The following SSBP3 variants were observed in gnomAD, a reference collection of about 807,000 sequenced individuals.
The protein encoded by SSBP3 is single-stranded DNA-binding protein 3.
In SSBP3, 5 loss-of-function variants were observed where a neutral mutation model predicts 69.6. The ratio of observed to expected loss-of-function variants is 0.07; its 90% CI spans 0.04 to 0.15. The LOEUF (loss-of-function observed/expected upper bound fraction) is 0.15, where lower values mean the gene tolerates loss of function less well. Among genes scored for constraint, SSBP3 ranks in the 10% least tolerant of loss-of-function variants. The pLI is 1.00. For missense variants in SSBP3, 312 were observed against 534.0 expected (o/e 0.58, Z 4.10); for synonymous variants, 196 against 193.4 (o/e 1.01, Z -0.11).
At chr1:54,245,116 C>G (rs1270756218) in intron 9 of SSBP3, among the ~76,000 whole-genome samples, 2 of 152,250 alleles carry the variant, frequency 1.3e-5, no homozygotes, top group African/African-American at 4.8e-5. Flanking sequence ...GCAGCTTAAG[C>G]TCTGCCCTTG....
At chr1:54,406,550 C>T (rs965039323), upstream of SSBP3, 1 of 151,914 alleles carries the variant, frequency 6.6e-6, no homozygotes, top group African/African-American at 2.4e-5. Flanking sequence ...CGGCAGTCCC[C>T]GCTGCGGCCG....
chr1:54,366,365 A>C (rs1421344993), intron 4 of SSBP3, among the ~76,000 whole-genome samples: 3 of 152,206 alleles, frequency 2.0e-5, no homozygotes, highest in Non-Finnish European at 4.4e-5. Flanking sequence ...GTTACCTCTC[A>C]ACAGTCCTAA....
At chr1:54,341,552 G>A (rs1646606477) in intron 4 of SSBP3, among the ~76,000 whole-genome samples, 1 of 152,106 alleles carries the variant, frequency 6.6e-6, no homozygotes, top group African/African-American at 2.4e-5. Context: ...GTGCTGTGCT[G>A]GGCAAGGATG....
At chr1:54,397,477 C>CCCT (rs1648977753) in intron 4 of SSBP3, among the ~76,000 whole-genome samples, 1 of 152,186 alleles carries the variant, frequency 6.6e-6, no homozygotes, top group African/African-American at 2.4e-5. Context: ...CTTTAACCAA[C>CCCT]CCTCCTCAAG....
At chr1:54,408,174 C>G (rs1013673111), upstream of SSBP3, among the ~76,000 whole-genome samples, 6 of 152,130 alleles carry the variant, frequency 3.9e-5, no homozygotes, top group Non-Finnish European at 7.3e-5. Context: ...AAAAAAGGAA[C>G]GCTGAGACCT....
chr1:54,240,079 T>TGTGC (rs1553123203), intron 13 of SSBP3, among the ~76,000 whole-genome samples: 1 of 32,734 alleles, frequency 3.1e-5, no homozygotes, highest in Non-Finnish European at 6.0e-5. Context: ...TGTGTGTGTG[T>TGTGC]GTGTGTGTGC....
intron 5 of SSBP3, among the ~76,000 whole-genome samples, chr1:54,273,800 G>A (rs1645237566): frequency 6.6e-6 from 1 of 152,214 alleles, no homozygotes; most frequent in African/African-American, 2.4e-5. Flanking sequence ...CCCAGGATAG[G>A]GGGCTTCATC....
intron 4 of SSBP3, among the ~76,000 whole-genome samples, chr1:54,384,822 T>TC (rs1207898996): frequency 1.3e-5 from 2 of 152,212 alleles, no homozygotes; most frequent in South Asian, 2.1e-4. Context: ...ATTTTTTTTT[T>TC]CCAACATACA....
At position 54,396,215 on chromosome 1, in the gene SSBP3, A is replaced by C. The variant is rs1433543636; in HGVS notation, c.276+5646T>G. On this transcript the variant is annotated intron_variant, in intron 4 of 17. Transcript: ENST00000610401. ...TCAGAAAAAAAAAAAAAAAAAAAAAAAAAACAACCCCATTACCCCAGCGAA... is the reference window on the plus strand; with the variant it reads ...TCAGAAAAAAAAAAAAAAAAAAAAACAAAACAACCCCATTACCCCAGCGAA... Among the ~76,000 whole-genome samples the C allele has an allele frequency of 4.8e-5, 7 of 146,118 alleles. 1 individual carries two copies. The East Asian group carries it at 7.9e-4, about 17-fold the overall frequency.
intron 5 of SSBP3, among the ~76,000 whole-genome samples, chr1:54,269,522 G>T (rs966069174): frequency 6.6e-6 from 1 of 152,360 alleles, no homozygotes; most frequent in Middle Eastern, 3.4e-3. Flanking sequence ...AGTTCCTTGG[G>T]ATTGGCTATT....
intron 4 of SSBP3, among the ~76,000 whole-genome samples, chr1:54,281,933 C>CA (rs1645401110): frequency 1.3e-5 from 2 of 151,798 alleles, no homozygotes; most frequent in East Asian, 3.9e-4. Context: ...CCCGTCCCTA[C>CA]AAAAAATAAA....
intron 4 of SSBP3, among the ~76,000 whole-genome samples, chr1:54,289,151 T>C (rs1645559283): frequency 6.6e-6 from 1 of 151,670 alleles, no homozygotes; most frequent in African/African-American, 2.4e-5. Context: ...ATTAAACACA[T>C]GAGAGAAGCA....
chr1:54,265,421 C>CCCA (rs1181754269), intron 5 of SSBP3, among the ~76,000 whole-genome samples: 10 of 152,268 alleles, frequency 6.6e-5, no homozygotes, highest in African/African-American at 2.4e-4. Flanking sequence ...CGCCTGCACA[C>CCCA]CCAGCATGGG....
intron 1 of SSBP3, chr1:54,413,339 A>G (rs1412425818): frequency 6.6e-6 from 1 of 152,228 alleles, no homozygotes; most frequent in Non-Finnish European, 1.5e-5. Flanking sequence ...AATAAAAGCC[A>G]TTTATTTCTC....
intron 1 of SSBP3, among the ~76,000 whole-genome samples, chr1:54,405,704 A>G (rs2100835584): frequency 1.3e-5 from 2 of 151,684 alleles, no homozygotes; most frequent in African/African-American, 4.8e-5. Context: ...ACGGCCACCA[A>G]GTACCCCCTC....
chr1:54,334,507 T>C (rs1411385285), intron 4 of SSBP3, among the ~76,000 whole-genome samples: 1 of 152,194 alleles, frequency 6.6e-6, no homozygotes, highest in Non-Finnish European at 1.5e-5. Context: ...TAGCTCCAAA[T>C]GGCACAGGCT....
chr1:54,372,442 T>C (rs1647150574), intron 4 of SSBP3, among the ~76,000 whole-genome samples: 1 of 152,074 alleles, frequency 6.6e-6, no homozygotes, highest in South Asian at 2.1e-4. Flanking sequence ...CAGGAAGCCT[T>C]CCCAGCCCCT....
intron 5 of SSBP3, among the ~76,000 whole-genome samples, chr1:54,269,788 C>A (rs1232782667): frequency 6.6e-6 from 1 of 152,164 alleles, no homozygotes; most frequent in Non-Finnish European, 1.5e-5. Flanking sequence ...ACAGCTGGTC[C>A]AACAGTGGGG....
intron 7 of SSBP3, 134 bp downstream of exon 7, chr1:54,256,993 A>G: frequency 7.0e-6 from 6 of 859,426 alleles, no homozygotes; most frequent in Non-Finnish European, 1.1e-5. Context: ...GGGAACAGCT[A>G]GTAAGCTACC....
Sources: allele counts gnomAD v4.1 joint callset (sites outside exome capture counted in the v4.1 genomes callset), GRCh38; gene constraint gnomAD v4.1.1; transcripts MANE v1.5; gene names NCBI Gene and HGNC (gene_info 2026-07-23, HGNC 2026-07-21).